Variants in ESRRB observed in about 807,000 individuals in gnomAD.
ESRRB encodes the protein steroid hormone receptor ERR2.
In ESRRB, 16 loss-of-function variants were observed where a neutral mutation model predicts 46.0. That is an observed-to-expected ratio of 0.35 (90% CI 0.24 to 0.53). The LOEUF is 0.53. Ranked by LOEUF, ESRRB falls within the 20% of genes least tolerant of loss-of-function variation. ESRRB has a pLI of 0.93. For synonymous variants in ESRRB, 246 were observed against 259.6 expected, an observed-to-expected ratio of 0.95 and a Z score of 0.50; for missense variants, 488 against 607.4, an observed-to-expected ratio of 0.80 and a Z score of 2.07.
At position 76,499,510 on chromosome 14, in the gene ESRRB, G is replaced by C. The variant is rs79345268; in HGVS notation, c.*1052G>C. On this transcript the variant is annotated 3_prime_UTR_variant, in exon 7 of 7. Coordinates refer to ENST00000644823, the MANE Select transcript of ESRRB (RefSeq NM_001379180.1). ...GAGCCCCAAAGGGAGGGAACTCAGC[G>C]GGGTGGCCTGCCTCATCCTTCCTGG... 2.5e-6 allele frequency: 1 copy of C among 396,542 alleles called. No individual in the cohort carries two copies. Among genetic ancestry groups the C allele is most frequent in the African/African-American group, 2.1e-5 (1 of 48,552 alleles). 24.6% of individuals were successfully genotyped at this position (396,542 alleles called of 1,614,324 possible). A position where few individuals can be genotyped will look rare whatever the true frequency, so the allele number is the denominator to read the frequency against.
Position 76,376,187 on chromosome 14 carries a change from C to G in ESRRB, c.-215C>G. Reference sequence around the variant, plus strand: ...CACGGCTTCGCATCCCCTCTGCCCGCTCTCTCCGGAGCGTGCGGATGAGTG... The same window carrying G: ...CACGGCTTCGCATCCCCTCTGCCCGGTCTCTCCGGAGCGTGCGGATGAGTG... On this transcript the variant is annotated 5_prime_UTR_variant, in exon 1 of 7. Coordinates refer to ENST00000644823, the MANE Select transcript of ESRRB (RefSeq NM_001379180.1). This position sits in a 1 kb window ranked among gnomAD's most constrained non-coding sequence, Gnocchi z 4.1. 1 of 393,988 alleles carries G rather than the reference C, an allele frequency of 2.5e-6. No homozygotes were observed. Among genetic ancestry groups the G allele is most frequent in the Non-Finnish European group, 4.5e-6 (1 of 223,954 alleles). 24.4% of individuals were successfully genotyped at this position (393,988 alleles called of 1,614,324 possible).
intron 3 of ESRRB, among the ~76,000 whole-genome samples, chr14:76,475,375 A>AG (rs1222906788): frequency 2.0e-5 from 3 of 151,658 alleles, no homozygotes; most frequent in African/African-American, 7.2e-5. Context: ...CCTCGAAAAA[A>AG]AAAAAAAAGA....
Position 76,402,338 on chromosome 14 carries a change from G to A in ESRRB, c.50+25887G>A, listed in dbSNP as rs1287100610. 5.3e-5 allele frequency among the ~76,000 whole-genome samples: 8 copies of A among 152,264 alleles called. No homozygotes were observed. In the South Asian group the frequency reaches 1.5e-3, roughly 28 times the overall value. On this transcript the variant is annotated intron_variant, in intron 1 of 6. Transcript: ENST00000644823. ...TCTTGTAAACCATGGCCCTGTCTTC[G>A]GCCTTCCAGGGCATTTTAGTGTAGT...
intron 2 of ESRRB, among the ~76,000 whole-genome samples, chr14:76,457,455 T>C (rs576150611): frequency 5.1e-3 from 204 of 39,702 alleles, no homozygotes; most frequent in Non-Finnish European, 9.0e-3. Flanking sequence ...CAGGATGAGT[T>C]TTTTTTTTTT....
intron 1 of ESRRB, among the ~76,000 whole-genome samples, chr14:76,312,455 C>A (rs1041898119): frequency 5.9e-5 from 9 of 151,640 alleles, no homozygotes; most frequent in African/African-American, 2.2e-4. Context: ...GATCAGGAAG[C>A]AATGAGAAAT....
At chr14:76,327,289 C>T (rs1052587003) in intron 1 of ESRRB, among the ~76,000 whole-genome samples, 4 of 152,214 alleles carry the variant, frequency 2.6e-5, no homozygotes, top group Non-Finnish European at 5.9e-5. Flanking sequence ...GCTTGGCCAG[C>T]TTCCCCATTT....
At chr14:76,402,709 C>CT (rs1338712993) in intron 1 of ESRRB, among the ~76,000 whole-genome samples, 1 of 152,046 alleles carries the variant, frequency 6.6e-6, no homozygotes, top group African/African-American at 2.4e-5. Context: ...CTTTTCTTTT[C>CT]TTTTTTTGAA....
At chr14:76,386,151 G>A (rs901469239) in intron 1 of ESRRB, among the ~76,000 whole-genome samples, 11 of 152,158 alleles carry the variant, frequency 7.2e-5, no homozygotes, top group Admixed American at 7.2e-4. Flanking sequence ...AACACAAGGG[G>A]ATTAAAGAAG....
intron 1 of ESRRB, among the ~76,000 whole-genome samples, chr14:76,384,216 T>C (rs1885129072): frequency 6.6e-6 from 1 of 152,214 alleles, no homozygotes; most frequent in African/African-American, 2.4e-5. Flanking sequence ...ATTGTCTACC[T>C]AAGCAGTCAA....
chr14:76,373,859 G>A (rs1363457438), upstream of ESRRB, among the ~76,000 whole-genome samples: 1 of 152,208 alleles, frequency 6.6e-6, no homozygotes, highest in African/African-American at 2.4e-5. Context: ...GCAAGCATTA[G>A]CCTAGTGTTC....
intron 1 of ESRRB, among the ~76,000 whole-genome samples, chr14:76,410,207 G>C (rs1566882461): frequency 6.6e-6 from 1 of 152,186 alleles, no homozygotes; most frequent in Non-Finnish European, 1.5e-5. Flanking sequence ...CTGGGCGACA[G>C]AGCAAGACAG....
upstream of ESRRB, among the ~76,000 whole-genome samples, chr14:76,375,155 A>C (rs1245185122): frequency 2.8e-5 from 4 of 142,924 alleles, no homozygotes; most frequent in East Asian, 2.1e-4. Context: ...TTCTATACCT[A>C]CCCCCCTCCC....
At chr14:76,368,215 T>C (rs1884550040), upstream of ESRRB, among the ~76,000 whole-genome samples, 2 of 150,904 alleles carry the variant, frequency 1.3e-5, no homozygotes, top group African/African-American at 4.9e-5. Context: ...CCTTGTGATC[T>C]GCCCTCCTCA....
chr14:76,311,171 A>T lies in ESRRB; in HGVS notation c.2+255A>T, dbSNP rs1883729013. 3.3e-5 allele frequency among the ~76,000 whole-genome samples: 5 copies of T among 152,284 alleles called. No homozygotes were observed. The South Asian group carries it at 1.0e-3, about 32-fold the overall frequency. Reference sequence around the variant, plus strand: ...CTGGATGGCTAGGTGGGACGGTGACACAAACTCATTTGGAAGCAGTGAGTT... The same window carrying T: ...CTGGATGGCTAGGTGGGACGGTGACTCAAACTCATTTGGAAGCAGTGAGTT... On this transcript the variant is annotated intron_variant, in intron 1 of 6. Coordinates refer to the ESRRB transcript ENST00000512784.
intron 1 of ESRRB, among the ~76,000 whole-genome samples, chr14:76,414,704 T>G (rs1362540808): frequency 1.4e-5 from 2 of 147,760 alleles, no homozygotes; most frequent in Non-Finnish European, 3.0e-5. Context: ...CTATTCTAGA[T>G]TTAATTGAGT....
At chr14:76,496,393 C>A (rs955856640) in intron 6 of ESRRB, among the ~76,000 whole-genome samples, 2 of 93,884 alleles carry the variant, frequency 2.1e-5, no homozygotes, top group African/African-American at 7.2e-5. Context: ...AGAGACGGTT[C>A]GGTAGGATGG....
At chr14:76,331,399 A>G (rs1312886653) in intron 1 of ESRRB, among the ~76,000 whole-genome samples, 2 of 152,180 alleles carry the variant, frequency 1.3e-5, no homozygotes, top group Non-Finnish European at 2.9e-5. Context: ...TAGCTGCCTC[A>G]CATGAACTAA....
chr14:76,483,636 T>C (rs913036282), intron 5 of ESRRB, among the ~76,000 whole-genome samples: 1 of 152,194 alleles, frequency 6.6e-6, no homozygotes, highest in Non-Finnish European at 1.5e-5. Context: ...CCTTTCTCTG[T>C]GCAATTTATT....
intron 1 of ESRRB, among the ~76,000 whole-genome samples, chr14:76,345,509 G>T (rs1001967138): frequency 1.2e-4 from 18 of 152,274 alleles, no homozygotes; most frequent in African/African-American, 3.8e-4. Flanking sequence ...CCTTACTCCT[G>T]CAAGAATGGC....
Sources: gnomAD v4.1 joint callset for allele counts (sites outside exome capture counted in the v4.1 genomes callset) on GRCh38, gnomAD v4.1.1 for gene constraint, Gnocchi (gnomAD v3.1) non-coding constraint, MANE v1.5 for transcripts, NCBI Gene and HGNC (gene_info 2026-07-23, HGNC 2026-07-21) for gene names.